Variants in WFS1 observed in about 807,000 individuals in gnomAD.
The protein encoded by WFS1 is wolframin ER transmembrane glycoprotein.
Under a neutral mutation model 68.5 loss-of-function variants are expected in WFS1, and 90 were observed. The observed-to-expected ratio is 1.31, with a 90% CI of 1.11 to 1.56. The LOEUF (loss-of-function observed/expected upper bound fraction) is 1.56, where lower values mean the gene tolerates loss of function less well. WFS1 is among the 40% of genes most tolerant of loss of function. The pLI, the probability that WFS1 is intolerant of heterozygous loss-of-function variation, is 0.00. For missense variants in WFS1, 1,767 were observed against 1,232.6 expected (o/e 1.43, Z -6.49); for synonymous variants, 860 against 540.7 (o/e 1.59, Z -8.19).
rs1731019367 is a variant in WFS1, at chr4:6,302,997, A to G, written c.*529A>G. 1 of 168,068 alleles carries G rather than the reference A, an allele frequency of 5.9e-6. No individual in the cohort carries two copies. 10.4% of individuals were successfully genotyped at this position (168,068 alleles called of 1,614,324 possible). A position where few individuals can be genotyped will look rare whatever the true frequency, so the allele number is the denominator to read the frequency against. ...CACGTGGTCAAGGCCCGGCCCCATC[A>G]GAGGCTGGGGGAGGCGGCACATTGG... On this transcript the variant is annotated 3_prime_UTR_variant, in exon 8 of 8. Transcript: ENST00000226760.
intron 7 of WFS1, among the ~76,000 whole-genome samples, chr4:6,298,272 T>C (rs1464050220): frequency 6.6e-6 from 1 of 152,232 alleles, no homozygotes; most frequent in African/African-American, 2.4e-5. Context: ...CCTGGCGTCA[T>C]ACTACAGGGG....
At position 6,301,432 on chromosome 4, in the gene WFS1, T is replaced by C. The variant is rs1459059399; in HGVS notation, c.1637T>C (p.Val546Ala). ...TTCATGTGGTGTGAGCTCTCCGTGGTCATCCTGCTGGAGTCCACCGGCCTG... is the reference window on the plus strand; with the variant it reads ...TTCATGTGGTGTGAGCTCTCCGTGGCCATCCTGCTGGAGTCCACCGGCCTG... ...VCFMWCELSV[V>A]ILLESTGLGL... Residue 546 changes from valine to alanine, a missense_variant, in exon 8 of 8, where the codon GTC becomes GCC. Transcript: ENST00000226760. The C allele has an allele frequency of 1.9e-6, 3 of 1,612,526 alleles. No homozygotes were observed. In the East Asian group the frequency reaches 6.7e-5, roughly 36 times the overall value.
In WFS1 at chr4:6,283,309, A is replaced by G. The variant is rs1578590325; in HGVS notation, c.233-3784A>G. Among the ~76,000 whole-genome samples, 1 of 152,230 alleles carries G rather than the reference A, an allele frequency of 6.6e-6. No homozygotes were observed. The highest frequency in any genetic ancestry group is 2.4e-5 in the African/African-American group (1 of 41,460). ...ATCACACTGCTATTTTGTGATTGAT[A>G]GGCAGACTTTCAAAGAATGAGTTAG... On this transcript the variant is annotated intron_variant, in intron 2 of 7. Coordinates refer to ENST00000226760, the MANE Select transcript of WFS1 (RefSeq NM_006005.3). This position sits in a 1 kb window ranked among gnomAD's most constrained non-coding sequence, Gnocchi z 5.0.
chr4:6,277,687 G>T lies in WFS1; in HGVS notation c.232G>T (p.Gly78Trp). The change falls in exon 2 of 8, where the codon GGG (glycine) becomes TGG (tryptophan). Residue 78 changes from glycine to tryptophan, a missense_variant and splice_region_variant. Gly to Trp is a radical substitution (Grantham distance 184, BLOSUM62 -2). Transcript: ENST00000226760. ...GAGCCGGGAAAGAGCAGACGGCACCGGTAAGGGAGCAGGCTGGGAAGCCCA... is the reference window on the plus strand; with the variant it reads ...GAGCCGGGAAAGAGCAGACGGCACCTGTAAGGGAGCAGGCTGGGAAGCCCA... ...TRSRERADGTGPTKGDMEIPF... is the reference protein window; with the variant it reads ...TRSRERADGTWPTKGDMEIPF... 1 of 1,557,126 alleles carries T rather than the reference G, an allele frequency of 6.4e-7. No homozygotes were observed. Among genetic ancestry groups the T allele is most frequent in the Non-Finnish European group, 8.7e-7 (1 of 1,151,338 alleles).
Position 6,287,093 on chromosome 4 carries a change from G to A in WFS1, c.233G>A (p.Gly78Glu), listed in dbSNP as rs926524068. Reference sequence around the variant, plus strand: ...TGTGTTTGTTTCTTCTGTGTTAAAGGGCCTACAAAGGGAGACATGGAAATC... The same window carrying A: ...TGTGTTTGTTTCTTCTGTGTTAAAGAGCCTACAAAGGGAGACATGGAAATC... ...TRSRERADGT[G>E]PTKGDMEIPF... The change falls in exon 3 of 8, where the codon GGG becomes GAG. Residue 78 changes from glycine to glutamate, a missense_variant and splice_region_variant. Transcript: ENST00000226760. The surrounding 1 kb of genome is among the most constrained non-coding windows in gnomAD (Gnocchi z 6.4). 41 of 1,555,810 alleles carry A rather than the reference G, an allele frequency of 2.6e-5. No individual in the cohort carries two copies. The highest frequency in any genetic ancestry group is 3.4e-5 in the Non-Finnish European group (39 of 1,148,310).
chr4:6,302,167 G>A lies in WFS1; in HGVS notation c.2372G>A (p.Arg791His), dbSNP rs775659531. 1.2e-5 allele frequency: 19 copies of A among 1,612,628 alleles called. No homozygotes were observed. The highest frequency in any genetic ancestry group is 1.6e-4 in the Middle Eastern group (1 of 6,062). Residue 791 changes from arginine (R) to histidine (H), a missense_variant, in exon 8 of 8, where the codon CGC (arginine) becomes CAC (histidine). Transcript: ENST00000226760. Reference protein sequence around the residue: ...MPFSSGADGSRSREEDDVTKD... With the variant: ...MPFSSGADGSHSREEDDVTKD... ...TTCAGCAGCGGCGCTGACGGCTCGC[G>A]CAGCCGCGAGGAGGACGACGTCACC...
At chr4:6,276,626 C>G (rs976827104) in intron 1 of WFS1, among the ~76,000 whole-genome samples, 5 of 152,224 alleles carry the variant, frequency 3.3e-5, no homozygotes, top group Non-Finnish European at 1.5e-5. Flanking sequence ...GCCCTCTTCT[C>G]CCCTCCCCAG....
intron 5 of WFS1, 50 bp downstream of exon 5, chr4:6,291,417 C>T (rs1158704883): frequency 2.5e-6 from 4 of 1,600,276 alleles, no homozygotes; most frequent in Middle Eastern, 3.3e-4. Flanking sequence ...CCAGCCTTCC[C>T]ACAGGAGCCA....
At chr4:6,294,273 C>G (rs1327485554) in intron 6 of WFS1, among the ~76,000 whole-genome samples, 1 of 152,040 alleles carries the variant, frequency 6.6e-6, no homozygotes, top group South Asian at 2.1e-4. Context: ...TCATTCCCTC[C>G]TAGGGGATCA....
chr4:6,293,375 C>T (rs1015016417), intron 6 of WFS1, among the ~76,000 whole-genome samples: 2 of 152,160 alleles, frequency 1.3e-5, no homozygotes, highest in Non-Finnish European at 2.9e-5. Context: ...TCTATCAGAA[C>T]GTTCCCATCA....
At chr4:6,275,749 C>T (rs1004331322) in intron 1 of WFS1, among the ~76,000 whole-genome samples, 2 of 151,886 alleles carry the variant, frequency 1.3e-5, no homozygotes, top group East Asian at 3.9e-4. Flanking sequence ...TCATTTGCAG[C>T]GGGAATGGAG....
chr4:6,298,098 C>G (rs924485214), intron 7 of WFS1, among the ~76,000 whole-genome samples: 3 of 152,228 alleles, frequency 2.0e-5, no homozygotes, highest in South Asian at 2.1e-4. Context: ...AGGCCACCCC[C>G]TTGCTACCGT....
Position 6,302,058 on chromosome 4 carries a change from T to C in WFS1, c.2263T>C (p.Cys755Arg), listed in dbSNP as rs797045075. 3.7e-6 allele frequency: 6 copies of C among 1,612,790 alleles called. No homozygotes were observed. The highest frequency in any genetic ancestry group is 2.2e-5 in the East Asian group (1 of 44,896). Residue 755 changes from cysteine to arginine, a missense_variant, in exon 8 of 8, where the codon TGT (cysteine) becomes CGT (arginine). Transcript: ENST00000226760. ...GNTSTAEEEL[C>R]RLKLLAKHPC... Reference sequence around the variant, plus strand: ...CACCTCCACGGCCGAGGAGGAGCTCTGTCGCCTTAAGCTGCTGGCCAAGCA... The same window carrying C: ...CACCTCCACGGCCGAGGAGGAGCTCCGTCGCCTTAAGCTGCTGGCCAAGCA...
chr4:6,277,866 C>G (rs951625519), intron 2 of WFS1, among the ~76,000 whole-genome samples, 179 bp downstream of exon 2: 1 of 152,268 alleles, frequency 6.6e-6, no homozygotes, highest in East Asian at 1.9e-4. Flanking sequence ...CAGAGCCTTG[C>G]ACCTGTCACC....
chr4:6,289,978 G>A (rs1453461034), intron 4 of WFS1, among the ~76,000 whole-genome samples: 2 of 152,108 alleles, frequency 1.3e-5, no homozygotes, highest in African/African-American at 2.4e-5. Context: ...TCACTCTGTC[G>A]CCCAGGCTAG....
In WFS1 at chr4:6,302,258, C is replaced by T. The variant is rs1363111547; in HGVS notation, c.2463C>T (p.Ser821=). 2 of 1,604,760 alleles carry T rather than the reference C, an allele frequency of 1.2e-6. No homozygotes were observed. The highest frequency in any genetic ancestry group is 1.7e-6 in the Non-Finnish European group (2 of 1,173,950). Residue 821 remains serine, a synonymous_variant, in exon 8 of 8, where the codon AGC becomes AGT. Coordinates refer to ENST00000226760, the MANE Select transcript of WFS1 (RefSeq NM_006005.3). The stretch of plus-strand genomic sequence containing the variant: ...TGCTGCTCAGCCTGCGCCAGGGCAG[C>T]CTCATCGAGTTCAGCACCATCCTGG... The part of the protein sequence containing the change: ...KSVLLSLRQG[S]LIEFSTILEG...
chr4:6,274,100 G>A (rs1729916046), intron 1 of WFS1, among the ~76,000 whole-genome samples: 1 of 151,146 alleles, frequency 6.6e-6, no homozygotes. Context: ...AGGCTGGAGT[G>A]CAGTGGCGCG....
chr4:6,290,407 A>G (rs1404083409), intron 4 of WFS1, among the ~76,000 whole-genome samples: 1 of 152,240 alleles, frequency 6.6e-6, no homozygotes, highest in Non-Finnish European at 1.5e-5. Context: ...GGCGGCCCAC[A>G]CGGCTCATTG....
intron 1 of WFS1, among the ~76,000 whole-genome samples, chr4:6,274,496 C>T (rs945726297): frequency 6.6e-6 from 1 of 152,052 alleles, no homozygotes; most frequent in Non-Finnish European, 1.5e-5. Flanking sequence ...TAAGGGTAAC[C>T]GACGCCCCAC....
Sources: allele counts gnomAD v4.1 joint callset (sites outside exome capture counted in the v4.1 genomes callset), GRCh38; gene constraint gnomAD v4.1.1; non-coding constraint Gnocchi (gnomAD v3.1); transcripts MANE v1.5; gene names NCBI Gene and HGNC (gene_info 2026-07-23, HGNC 2026-07-21).